WDR44: variants seen among roughly 807,000 people sequenced by gnomAD.
WDR44 encodes WD repeat-containing protein 44.
A neutral mutation model predicts 65.7 loss-of-function variants in WDR44; 9 were observed. The observed-to-expected ratio is 0.14, with a 90% confidence interval of 0.08 to 0.24. WDR44 has a LOEUF of 0.24. Among genes scored for constraint, WDR44 ranks in the 10% least tolerant of loss-of-function variants. WDR44 has a pLI of 1.00. For synonymous variants in WDR44, 220 were observed against 235.2 expected, an observed-to-expected ratio of 0.94 and a Z score of 0.59; for missense variants, 425 against 670.9, an observed-to-expected ratio of 0.63 and a Z score of 4.05.
At chrX:118,382,543 A>C (rs968783481) in intron 2 of WDR44, among the ~76,000 whole-genome samples, 1 of 112,460 alleles carries the variant, frequency 8.9e-6, no homozygotes, top group Admixed American at 9.5e-5. Context: ...ACTACTAAAA[A>C]TTACCAGTTA....
rs1409947705 is a variant in WDR44, at chrX:118,392,996, A to G, written c.551A>G (p.Lys184Arg). The G allele has an allele frequency of 1.7e-6, 2 of 1,210,750 alleles. No homozygotes were observed. The highest frequency in any genetic ancestry group is 3.0e-5 in the East Asian group (1 of 33,793). Residue 184 changes from lysine (K) to arginine (R), a missense_variant, in exon 4 of 20, where the codon AAA (lysine) becomes AGA (arginine). Transcript: ENST00000254029. The part of the protein sequence containing the change: ...EVLNKEAVEV[K>R]GGGDVLEPVS... ...TTGAACAAGGAAGCAGTGGAAGTCA[A>G]AGGAGGTGGTGATGTTTTAGAGCCT...
Position 118,392,808 on chromosome X carries a change from C to A in WDR44, c.363C>A (p.Ser121=). The A allele has an allele frequency of 8.3e-7, 1 of 1,211,366 alleles. No individual in the cohort carries two copies. The highest frequency in any genetic ancestry group is 1.1e-6 in the Non-Finnish European group (1 of 895,410). ...LAIDQVLPEE[S]QKAESQNTFE... is the part of the protein sequence containing the mutation. ...TAGATCAAGTACTACCGGAAGAATC[C>A]CAAAAGGCAGAGAGTCAGAATACAT... is the stretch of plus-strand genomic sequence containing the variant. Residue 121 remains serine (S), a synonymous_variant, in exon 4 of 20, where the codon TCC becomes TCA. Coordinates refer to ENST00000254029, the MANE Select transcript of WDR44 (RefSeq NM_019045.5).
At chrX:118,444,209 A>G (rs4825383) in intron 18 of WDR44, 151 bp from the exon 19 acceptor site, 124,719 of 545,732 alleles carry the variant, frequency 0.23, 11,634 homozygotes, top group African/African-American at 0.39. Context: ...CAGAACTTAT[A>G]TGTGATTTTT....
chrX:118,352,340 ATATATATATATATTTTTT>A (rs1388091869), intron 1 of WDR44, among the ~76,000 whole-genome samples: 1 of 19,859 alleles, frequency 5.0e-5, no homozygotes, highest in African/African-American at 4.9e-4. Context: ...ATATATATAT[ATATATATATATATTTTTT>A]TTTTTTTTTT....
At position 118,393,247 on chromosome X, in the gene WDR44, A is replaced by G; in HGVS notation, c.802A>G (p.Thr268Ala). 3.3e-6 allele frequency: 4 copies of G among 1,194,083 alleles called. No homozygotes were observed. Among genetic ancestry groups the G allele is most frequent in the Non-Finnish European group, 3.4e-6 (3 of 890,599 alleles). ...RKRKSELEFE[T>A]LKTPDIDVPK... Reference sequence around the variant, plus strand: ...AAGGAAAAGCGAATTGGAATTTGAGACTCTGAAAACTCCTGATATAGATGG... The same window carrying G: ...AAGGAAAAGCGAATTGGAATTTGAGGCTCTGAAAACTCCTGATATAGATGG... The change falls in exon 4 of 20, where the codon ACT becomes GCT. Residue 268 changes from threonine (T) to alanine (A), a missense_variant. Thr to Ala is a moderately conservative substitution (Grantham distance 58, BLOSUM62 0). This residue lies in a region of WDR44 where 193 missense variants were observed against 209.0 expected (regional missense o/e 0.92). Coordinates refer to ENST00000254029, the MANE Select transcript of WDR44 (RefSeq NM_019045.5).
intron 7 of WDR44, among the ~76,000 whole-genome samples, chrX:118,397,978 C>T (rs1221115047): frequency 2.7e-5 from 3 of 111,981 alleles, no homozygotes; most frequent in Non-Finnish European, 5.6e-5. Context: ...GGCTCACACC[C>T]GTAATTCTAG....
At chrX:118,346,896 A>G (rs2056355977) in intron 1 of WDR44, among the ~76,000 whole-genome samples, 1 of 111,443 alleles carries the variant, frequency 9.0e-6, no homozygotes, top group Admixed American at 9.5e-5. Flanking sequence ...GGAGATTTGT[A>G]TCTGTGGGGT....
intron 19 of WDR44, among the ~76,000 whole-genome samples, chrX:118,446,509 C>T (rs1166758311): frequency 8.9e-6 from 1 of 111,783 alleles, no homozygotes; most frequent in African/African-American, 3.3e-5. Context: ...ACAAACAGGT[C>T]ATAAAGCCAC....
Position 118,373,883 on chromosome X carries a change from T to C in WDR44, c.78-4536T>C, listed in dbSNP as rs188589980. Among the ~76,000 whole-genome samples the C allele has an allele frequency of 1.2e-4, 13 of 112,394 alleles. No individual in the cohort carries two copies. In the East Asian group the frequency reaches 3.6e-3, roughly 31 times the overall value. On this transcript the variant is annotated intron_variant, in intron 1 of 19. Coordinates refer to ENST00000254029, the MANE Select transcript of WDR44 (RefSeq NM_019045.5). Reference sequence around the variant, plus strand: ...AGAAGCTAAAACATGTCAAGTGTTATAGTTTTTGGCAAATGCTTAATAAAT... The same window carrying C: ...AGAAGCTAAAACATGTCAAGTGTTACAGTTTTTGGCAAATGCTTAATAAAT...
chrX:118,389,033 T>G (rs1372628129), intron 3 of WDR44, among the ~76,000 whole-genome samples: 3 of 112,299 alleles, frequency 2.7e-5, no homozygotes, highest in Non-Finnish European at 5.6e-5. Context: ...AACAAATGTA[T>G]AACTATCTAT....
At chrX:118,388,284 AT>A (rs898186285) in intron 3 of WDR44, among the ~76,000 whole-genome samples, 2 of 108,075 alleles carry the variant, frequency 1.9e-5, no homozygotes, top group Non-Finnish European at 1.9e-5. Flanking sequence ...AATGGACTAC[AT>A]TTTTTTTTTA....
intron 12 of WDR44, among the ~76,000 whole-genome samples, chrX:118,430,926 G>A (rs375802171): frequency 1.8e-5 from 2 of 112,001 alleles, no homozygotes; most frequent in African/African-American, 6.5e-5. Context: ...TGAGGGGGGC[G>A]AGGATGGTAG....
At chrX:118,356,315 G>A (rs1303286521) in intron 1 of WDR44, among the ~76,000 whole-genome samples, 1 of 111,076 alleles carries the variant, frequency 9.0e-6, no homozygotes, top group Non-Finnish European at 1.9e-5. Context: ...TGTTCCTAAG[G>A]GAAACCCCCT....
At position 118,410,785 on chromosome X, in the gene WDR44, G is replaced by A. The variant is rs2057006443; in HGVS notation, c.1673-110G>A. On this transcript the variant is annotated intron_variant, in intron 11 of 19. Coordinates refer to ENST00000254029, the MANE Select transcript of WDR44 (RefSeq NM_019045.5). ...ATTGTTAGTATTTTTCTAGAATACT[G>A]TATTCTCTAACTATTAGACATTGCT... The A allele has an allele frequency of 6.5e-6, 4 of 618,025 alleles. No individual in the cohort carries two copies. In the East Asian group the frequency reaches 1.1e-4, roughly 18 times the overall value. The allele number at this position is 618,025 out of a possible 1,213,427, so 50.9% of individuals were successfully genotyped here.
At chrX:118,413,083 C>T (rs998574623) in intron 12 of WDR44, among the ~76,000 whole-genome samples, 8 of 112,139 alleles carry the variant, frequency 7.1e-5, no homozygotes, top group African/African-American at 2.6e-4. Context: ...TTTCTTTATC[C>T]ACTCGTTGAT....
intron 2 of WDR44, among the ~76,000 whole-genome samples, chrX:118,384,052 A>AT (rs934462760): frequency 9.5e-6 from 1 of 105,581 alleles, no homozygotes; most frequent in African/African-American, 3.5e-5. Flanking sequence ...GCTAATTATT[A>AT]TTTTTTTTAG....
chrX:118,412,133 C>G (rs1476655592), intron 12 of WDR44, among the ~76,000 whole-genome samples: 1 of 111,640 alleles, frequency 9.0e-6, no homozygotes, highest in Non-Finnish European at 1.9e-5. Flanking sequence ...TAGGATTTAG[C>G]TATATGAGAG....
chrX:118,422,385 C>T (rs2057112592), intron 12 of WDR44, among the ~76,000 whole-genome samples: 1 of 106,410 alleles, frequency 9.4e-6, no homozygotes, highest in Admixed American at 1.0e-4. Flanking sequence ...CAGAGCAAGA[C>T]CCTGTCTCGA....
chrX:118,377,107 C>T (rs2056667385), intron 1 of WDR44, among the ~76,000 whole-genome samples: 1 of 111,525 alleles, frequency 9.0e-6, no homozygotes, highest in African/African-American at 3.3e-5. Context: ...CCTGTAATCT[C>T]AGTACTTTGA....
Sources: allele counts gnomAD v4.1 joint callset (sites outside exome capture counted in the v4.1 genomes callset), GRCh38; gene constraint gnomAD v4.1.1; regional missense constraint gnomAD v4.1.1; transcripts MANE v1.5; gene names NCBI Gene and HGNC (gene_info 2026-07-23, HGNC 2026-07-21).